Variants in POLA2 observed in about 807,000 individuals in gnomAD.
The protein encoded by POLA2 is DNA polymerase alpha subunit B.
POLA2 carries 47 observed loss-of-function variants against 82.8 expected under a neutral mutation model. That is an observed-to-expected ratio of 0.57 (90% confidence interval 0.45 to 0.72). POLA2 has a LOEUF of 0.72. POLA2 is among the 30% of genes least tolerant of loss of function. The probability of loss-of-function intolerance (pLI) is 0.00; values close to 1 mark genes in which losing one functional copy is unlikely to be tolerated. For missense variants in POLA2, 634 were observed against 728.1 expected, an observed-to-expected ratio of 0.87 and a Z score of 1.49; for synonymous variants, 287 against 286.8, an observed-to-expected ratio of 1.00 and a Z score of -0.01.
downstream of POLA2, among the ~76,000 whole-genome samples, chr11:65,302,199 T>C (rs1404310881): frequency 6.6e-6 from 1 of 152,200 alleles, no homozygotes; most frequent in Non-Finnish European, 1.5e-5. Context: ...TCTTCTCTGC[T>C]CACTCCCATC....
chr11:65,301,849 T>G (rs546003003), downstream of POLA2, among the ~76,000 whole-genome samples: 1 of 152,314 alleles, frequency 6.6e-6, no homozygotes, highest in Middle Eastern at 3.4e-3. Flanking sequence ...CATTGGTCAT[T>G]CTGGGTCTTC....
At chr11:65,271,675 A>G (rs1949522504) in intron 4 of POLA2, among the ~76,000 whole-genome samples, 2 of 151,348 alleles carry the variant, frequency 1.3e-5, no homozygotes, top group African/African-American at 2.4e-5. Context: ...GCGAAACTCC[A>G]TCTCTACTCA....
At chr11:65,281,780 T>G (rs1026227948) in intron 9 of POLA2, 48 bp downstream of exon 9, 3 of 1,416,844 alleles carry the variant, frequency 2.1e-6, no homozygotes, top group Non-Finnish European at 3.0e-6. Context: ...TCAGACAAAG[T>G]ATGTCTGGAA....
At chr11:65,275,854 A>G (rs1365839323) in intron 4 of POLA2, 38 bp from the exon 5 acceptor site, 1 of 1,173,748 alleles carries the variant, frequency 8.5e-7, no homozygotes, top group Non-Finnish European at 1.3e-6. Context: ...TATTGGGTCT[A>G]GTAGGACTGA....
chr11:65,297,319 C>T lies in POLA2; in HGVS notation c.*50C>T. ...GCTGTGTGGGCCCTTAAAGTCTTAG[C>T]CAAGAGCCAAGACATAGCCCTGTGA... On this transcript the variant is annotated 3_prime_UTR_variant, in exon 18 of 18. Transcript: ENST00000265465. The T allele has an allele frequency of 1.3e-6, 2 of 1,519,760 alleles. No homozygotes were observed. Among genetic ancestry groups the T allele is most frequent in the Admixed American group, 4.3e-5 (2 of 46,310 alleles). 94.1% of individuals were successfully genotyped at this position (1,519,760 alleles called of 1,614,324 possible).
rs538384824 is a variant in POLA2 at position 65,297,549 on chromosome 11, A to C, written c.*280A>C. The C allele has an allele frequency of 5.5e-5, 17 of 308,542 alleles. No individual in the cohort carries two copies. In the Admixed American group the frequency reaches 5.6e-4, roughly 10 times the overall value. 19.1% of individuals were successfully genotyped at this position (308,542 alleles called of 1,614,324 possible). A position where few individuals can be genotyped will look rare whatever the true frequency, so the allele number is the denominator to read the frequency against. On this transcript the variant is annotated 3_prime_UTR_variant, in exon 18 of 18. Transcript: ENST00000265465. Reference sequence around the variant, plus strand: ...TCCCGCCCACTCAGAAAAGGCGAGAAGGCTTTGTGATTTTCTACATGAATC... The same window carrying C: ...TCCCGCCCACTCAGAAAAGGCGAGACGGCTTTGTGATTTTCTACATGAATC...
chr11:65,287,490 A>G, intron 10 of POLA2: 1 of 386,960 alleles, frequency 2.6e-6, no homozygotes. Flanking sequence ...TAAAGTTTCT[A>G]CTGCATGTTC....
chr11:65,304,990 C>A (rs1660149003), intron 8 of POLA2, among the ~76,000 whole-genome samples: 1 of 149,998 alleles, frequency 6.7e-6, no homozygotes, highest in Admixed American at 6.6e-5. Context: ...CCCCCACCCC[C>A]ACCCTGTCAC....
At chr11:65,267,098 C>T (rs1438691204) in intron 2 of POLA2, among the ~76,000 whole-genome samples, 1 of 151,848 alleles carries the variant, frequency 6.6e-6, no homozygotes, top group South Asian at 2.1e-4. Context: ...CCCAGGTACT[C>T]GGAAAGCTGA....
At chr11:65,294,930 A>G (rs758738145) in intron 15 of POLA2, among the ~76,000 whole-genome samples, 3 of 151,816 alleles carry the variant, frequency 2.0e-5, no homozygotes, top group Non-Finnish European at 4.4e-5. Context: ...ATTCATCTAC[A>G]TTTTCTTTTC....
chr11:65,284,172 T>TAGAA (rs1454362435), intron 10 of POLA2, among the ~76,000 whole-genome samples: 4 of 148,636 alleles, frequency 2.7e-5, no homozygotes, highest in South Asian at 2.1e-4. Context: ...GATAGATAGA[T>TAGAA]AGAATTTATT....
intron 17 of POLA2, 153 bp downstream of exon 17, chr11:65,296,143 T>C (rs539462286): frequency 5.2e-6 from 4 of 774,318 alleles, no homozygotes; most frequent in African/African-American, 3.5e-5. Flanking sequence ...GGGGAGGTGG[T>C]GGGACCAGAA....
intron 11 of POLA2, among the ~76,000 whole-genome samples, chr11:65,288,500 CGTTT>C: frequency 7.2e-6 from 1 of 139,714 alleles, no homozygotes; most frequent in Non-Finnish European, 1.5e-5. Flanking sequence ...TTTTATTGTT[CGTTT>C]GTTTTTTGTT....
intron 10 of POLA2, 97 bp from the exon 11 acceptor site, chr11:65,287,619 G>T (rs967718474): frequency 4.5e-6 from 5 of 1,119,722 alleles, no homozygotes; most frequent in Middle Eastern, 2.3e-4. Context: ...AGGACTCAAT[G>T]AGTTAAATCC....
Position 65,266,665 on chromosome 11 carries a change from G to A in POLA2, c.163G>A (p.Val55Ile), listed in dbSNP as rs1949464044. Residue 55 changes from valine (V) to isoleucine (I), a missense_variant, in exon 2 of 18, where the codon GTT becomes ATT. Coordinates refer to ENST00000265465, the MANE Select transcript of POLA2 (RefSeq NM_002689.4). ...LIAFCTSTHK[V>I]GLTSEILNSF... ...AGCCTTCTGCACCAGCACACATAAA[G>A]TTGGCCTTACCTCAGAGATCCTGAA... 6.2e-7 allele frequency: 1 copy of A among 1,614,186 alleles called. No homozygotes were observed. Among genetic ancestry groups the A allele is most frequent in the Non-Finnish European group, 8.5e-7 (1 of 1,180,004 alleles).
chr11:65,294,752 C>G, intron 15 of POLA2, 100 bp downstream of exon 15: 2 of 783,096 alleles, frequency 2.6e-6, no homozygotes, highest in Non-Finnish European at 4.2e-6. Context: ...CGGTCTTGAC[C>G]AGAGAGAGCT....
At chr11:65,300,989 C>T (rs118127139), downstream of POLA2, among the ~76,000 whole-genome samples, 26 of 152,336 alleles carry the variant, frequency 1.7e-4, no homozygotes, top group African/African-American at 2.9e-4. Context: ...TATGGCTATA[C>T]GGTATTTTAT....
At chr11:65,304,709 AG>A (rs949871411) in intron 8 of POLA2, among the ~76,000 whole-genome samples, 2 of 152,154 alleles carry the variant, frequency 1.3e-5, no homozygotes, top group African/African-American at 4.8e-5. Flanking sequence ...AGCAAATCGC[AG>A]GGCTCATGGA....
In POLA2 at chr11:65,289,781, T is replaced by G; in HGVS notation, c.1171-18T>G. On this transcript the variant is annotated intron_variant, in intron 12 of 17. Coordinates refer to ENST00000265465, the MANE Select transcript of POLA2 (RefSeq NM_002689.4). ...CAAACATCTGCCGTCTAAATCTGTC[T>G]CCTTTCCTTTCTTGCAGAATTGTCT... The G allele has an allele frequency of 2.6e-6, 4 of 1,552,682 alleles. No homozygotes were observed. Among genetic ancestry groups the G allele is most frequent in the Non-Finnish European group, 3.6e-6 (4 of 1,124,528 alleles).
Sources: gnomAD v4.1 joint callset for allele counts (sites outside exome capture counted in the v4.1 genomes callset) on GRCh38, gnomAD v4.1.1 for gene constraint, MANE v1.5 for transcripts, NCBI Gene and HGNC (gene_info 2026-07-23, HGNC 2026-07-21) for gene names.